The following DCAF8L2 variants were observed in gnomAD, a reference collection of about 807,000 sequenced individuals.
The protein encoded by DCAF8L2 is DDB1 and CUL4 associated factor 8 like 2, also known as DDB1- and CUL4-associated factor 8-like protein 2.
For missense variants in DCAF8L2, 430 were observed against 490.7 expected (o/e 0.88, Z 1.17); for synonymous variants, 200 against 190.9 (o/e 1.05, Z -0.39).
At chrX:27,637,822 G>A (rs775426900) in intron 2 of DCAF8L2, among the ~76,000 whole-genome samples, 8 of 111,853 alleles carry the variant, frequency 7.2e-5, no homozygotes, top group Admixed American at 5.7e-4. Flanking sequence ...GGAAGTAGTC[G>A]TTTCTCCAGG....
At chrX:27,724,590 A>T (rs1047411515) in intron 4 of DCAF8L2, among the ~76,000 whole-genome samples, 1 of 111,325 alleles carries the variant, frequency 9.0e-6, no homozygotes, top group South Asian at 3.7e-4. Context: ...TTACCTGTAT[A>T]CTAACTTTAG....
chrX:27,654,598 G>T (rs1929280182), intron 2 of DCAF8L2, among the ~76,000 whole-genome samples: 1 of 111,667 alleles, frequency 9.0e-6, no homozygotes. Context: ...GACAGTGCTA[G>T]AACATCAAAA....
At chrX:27,630,581 G>A (rs1158602004) in intron 1 of DCAF8L2, among the ~76,000 whole-genome samples, 5 of 111,352 alleles carry the variant, frequency 4.5e-5, no homozygotes, top group Non-Finnish European at 9.4e-5. Context: ...AAAATTAAAG[G>A]CTAATATCGT....
chrX:27,501,341 G>A, the DCAF8L2 span, among the ~76,000 whole-genome samples: 1 of 109,194 alleles, frequency 9.2e-6, no homozygotes, highest in Non-Finnish European at 1.9e-5. Context: ...CCAGAATGGG[G>A]CCATACTGGG....
intron 2 of DCAF8L2, among the ~76,000 whole-genome samples, chrX:27,634,957 T>TACACAC (rs571012816): frequency 0.16 from 16,100 of 99,340 alleles, 1,196 homozygotes; most frequent in East Asian, 0.34. Context: ...ACCATGTATA[T>TACACAC]ACACACACAC....
At chrX:27,700,430 A>G (rs1250262213) in intron 3 of DCAF8L2, among the ~76,000 whole-genome samples, 1 of 111,343 alleles carries the variant, frequency 9.0e-6, no homozygotes, top group Non-Finnish European at 1.9e-5. Context: ...TATAAGGAGT[A>G]GGGAAGAACC....
chrX:27,694,270 GAT>G (rs1179251335), intron 3 of DCAF8L2, among the ~76,000 whole-genome samples: 10 of 111,115 alleles, frequency 9.0e-5, no homozygotes, highest in Admixed American at 1.9e-4. Context: ...CTACCTGGGT[GAT>G]AGTATCATCC....
At chrX:27,550,291 G>A in the DCAF8L2 span, among the ~76,000 whole-genome samples, 1 of 111,914 alleles carries the variant, frequency 8.9e-6, no homozygotes, top group Non-Finnish European at 1.9e-5. Flanking sequence ...GATAGTGAAT[G>A]TTATGGGGTG....
At chrX:27,533,180 A>AGAGAGAGAGAGAG in the DCAF8L2 span, among the ~76,000 whole-genome samples, 5 of 18,661 alleles carry the variant, frequency 2.7e-4, no homozygotes, top group Admixed American at 2.3e-3. Context: ...GAAAGAAAGA[A>AGAGAGAGAGAGAG]AGAAAGAAAG....
the DCAF8L2 span, among the ~76,000 whole-genome samples, chrX:27,513,889 A>C: frequency 8.9e-6 from 1 of 112,068 alleles, no homozygotes; most frequent in Non-Finnish European, 1.9e-5. Context: ...ACAAAATAAT[A>C]ACAAATGCTG....
At chrX:27,670,389 A>G (rs1432790220) in intron 2 of DCAF8L2, among the ~76,000 whole-genome samples, 1 of 110,948 alleles carries the variant, frequency 9.0e-6, no homozygotes, top group Non-Finnish European at 1.9e-5. Context: ...GCAAAATGCT[A>G]TGGGGCATTC....
At chrX:27,727,061 T>C (rs1932094257) in intron 4 of DCAF8L2, among the ~76,000 whole-genome samples, 1 of 112,113 alleles carries the variant, frequency 8.9e-6, no homozygotes, top group Non-Finnish European at 1.9e-5. Flanking sequence ...ACCAACAATA[T>C]TGGATGTTTT....
At chrX:27,565,233 C>T in the DCAF8L2 span, among the ~76,000 whole-genome samples, 2 of 110,320 alleles carry the variant, frequency 1.8e-5, no homozygotes, top group African/African-American at 6.6e-5. Context: ...TCCTTCTATG[C>T]CTACTTTGTT....
At chrX:27,719,785 T>G in intron 4 of DCAF8L2, among the ~76,000 whole-genome samples, 1 of 112,037 alleles carries the variant, frequency 8.9e-6, no homozygotes, top group Middle Eastern at 4.6e-3. Flanking sequence ...ATTTGTTCTT[T>G]ATATTTTTTG....
the DCAF8L2 span, among the ~76,000 whole-genome samples, chrX:27,508,501 C>T: frequency 9.2e-6 from 1 of 109,135 alleles, no homozygotes; most frequent in East Asian, 2.9e-4. Flanking sequence ...GAATACAGGA[C>T]AGACAGCAAC....
chrX:27,493,250 A>G, the DCAF8L2 span, among the ~76,000 whole-genome samples: 2 of 111,390 alleles, frequency 1.8e-5, no homozygotes, highest in African/African-American at 6.5e-5. Context: ...AAAATAAATT[A>G]AATTAAATTA....
At chrX:27,696,314 GAA>G (rs769872260) in intron 3 of DCAF8L2, among the ~76,000 whole-genome samples, 11 of 76,365 alleles carry the variant, frequency 1.4e-4, no homozygotes, top group African/African-American at 3.3e-4. Context: ...AAGAAAGAAA[GAA>G]AGAAAGAAAG....
intron 4 of DCAF8L2, among the ~76,000 whole-genome samples, chrX:27,722,745 T>C (rs1931943863): frequency 9.0e-6 from 1 of 110,841 alleles, no homozygotes; most frequent in African/African-American, 3.3e-5. Context: ...AACAAAATGC[T>C]CACTATCACA....
chrX:27,503,493 G>C, the DCAF8L2 span, among the ~76,000 whole-genome samples: 6 of 110,869 alleles, frequency 5.4e-5, no homozygotes, highest in African/African-American at 1.6e-4. Context: ...TGAGGTTTAG[G>C]TTGAGGTTAT....
Sources: gnomAD v4.1 joint callset for allele counts (sites outside exome capture counted in the v4.1 genomes callset) on GRCh38, gnomAD v4.1.1 for gene constraint, MANE v1.5 for transcripts, NCBI Gene and HGNC (gene_info 2026-07-23, HGNC 2026-07-21) for gene names.